The following COL6A1 variants were observed in gnomAD, a reference collection of about 807,000 sequenced individuals.
COL6A1 encodes the protein collagen alpha-1(VI) chain.
In COL6A1, 80 loss-of-function variants were observed where a neutral mutation model predicts 145.6. The ratio of observed to expected loss-of-function variants is 0.55; its 90% CI spans 0.46 to 0.66. COL6A1 has a LOEUF of 0.66. Among genes scored for constraint, COL6A1 ranks in the 30% least tolerant of loss-of-function variants. The pLI is 0.00. For synonymous variants in COL6A1, 638 were observed against 622.8 expected (o/e 1.02, Z -0.36); for missense variants, 1,364 against 1,473.8 (o/e 0.93, Z 1.22).
chr21:45,991,389 G>A (rs1189425517), intron 15 of COL6A1, among the ~76,000 whole-genome samples: 1 of 148,512 alleles, frequency 6.7e-6, no homozygotes, highest in Non-Finnish European at 1.5e-5. Context: ...TCAGAACTGA[G>A]AATGGGCTGG....
At chr21:45,987,779 G>C in intron 8 of COL6A1, 125 bp downstream of exon 8, 1 of 776,832 alleles carries the variant, frequency 1.3e-6, no homozygotes, top group Non-Finnish European at 1.8e-6. Flanking sequence ...GGTCCAGATG[G>C]AGGGGACGGC....
intron 2 of COL6A1, 138 bp downstream of exon 2, chr21:45,982,901 C>T (rs1204312673): frequency 8.0e-6 from 10 of 1,257,308 alleles, no homozygotes; most frequent in East Asian, 4.8e-5. Context: ...GGGCCCCTCC[C>T]GGCGCCCTCC....
chr21:45,987,206 G>A (rs2123467052), intron 6 of COL6A1, 31 bp downstream of exon 6: 1 of 1,589,632 alleles, frequency 6.3e-7, no homozygotes. Flanking sequence ...CCCCAGCCGT[G>A]AGTCTGCACA....
At position 45,989,895 on chromosome 21, in the gene COL6A1, C is replaced by CCCGCTCCA. The variant is rs2077764149; in HGVS notation, c.930+122_930+129dup. On this transcript the variant is annotated intron_variant, in intron 11 of 34. Transcript: ENST00000361866. ...GACAGGAGACCACGTGTCCTGCAGACCCGCTCCACCGCCCCTCGCCGTCCC... is the reference window on the plus strand; with the variant it reads ...GACAGGAGACCACGTGTCCTGCAGACCCGCTCCACCGCTCCACCGCCCCTCGCCGTCCC... The CCCGCTCCA allele has an allele frequency of 2.3e-5, 30 of 1,332,326 alleles. No homozygotes were observed. The South Asian group carries it at 3.6e-4, about 16-fold the overall frequency. The allele number at this position is 1,332,326 out of a possible 1,614,324, so 82.5% of individuals were successfully genotyped here. A position where few individuals can be genotyped will look rare whatever the true frequency, so the allele number is the denominator to read the frequency against.
At chr21:45,992,276 C>G in intron 17 of COL6A1, 59 bp downstream of exon 17, 1 of 1,613,564 alleles carries the variant, frequency 6.2e-7, no homozygotes, top group East Asian at 2.2e-5. Flanking sequence ...TTCTGATCCT[C>G]TTTGCTCGGG....
chr21:45,984,024 G>A (rs1490272235), intron 2 of COL6A1, among the ~76,000 whole-genome samples: 1 of 152,182 alleles, frequency 6.6e-6, no homozygotes, highest in Non-Finnish European at 1.5e-5. Context: ...ACCCCAGCAG[G>A]GCCACACACT....
rs754667407 is a variant in COL6A1, at chr21:45,986,651, A to G, written c.554A>G (p.Lys185Arg). ...AACGAGGCCAAGCACCTGGGCGTCAAAGTCTTCTCGGTGGCCATCACACCC... is the reference window on the plus strand; with the variant it reads ...AACGAGGCCAAGCACCTGGGCGTCAGAGTCTTCTCGGTGGCCATCACACCC... ...AVNEAKHLGV[K>R]VFSVAITPDH... Residue 185 changes from lysine (K) to arginine (R), a missense_variant, in exon 4 of 35, where the codon AAA (lysine) becomes AGA (arginine). Lys to Arg is a conservative substitution (Grantham distance 26, BLOSUM62 2). Transcript: ENST00000361866. The G allele has an allele frequency of 3.2e-6, 5 of 1,550,726 alleles. No individual in the cohort carries two copies. In the African/African-American group the frequency reaches 5.5e-5, roughly 17 times the overall value.
intron 13 of COL6A1, 130 bp from the exon 14 acceptor site, chr21:45,990,642 AG>A (rs2077771397): frequency 8.1e-6 from 7 of 860,430 alleles, no homozygotes; most frequent in Admixed American, 3.8e-5. Flanking sequence ...AGGTGACCCC[AG>A]GGGGGTGTCT....
rs893963068 is a variant in COL6A1, at chr21:46,002,708, T to C, written c.2432T>C (p.Ile811Thr). 6.2e-7 allele frequency: 1 copy of C among 1,611,516 alleles called. No homozygotes were observed. The highest frequency in any genetic ancestry group is 8.5e-7 in the Non-Finnish European group (1 of 1,178,966). Residue 811 changes from isoleucine to threonine, a missense_variant and splice_region_variant, in exon 33 of 35, where the codon ATA (isoleucine) becomes ACA (threonine). Physicochemically the swap from Ile to Thr is moderately conservative, Grantham distance 89. Transcript: ENST00000361866. Reference protein sequence around the residue: ...FLKNVTAQICIDKKCPDYTCP... With the variant: ...FLKNVTAQICTDKKCPDYTCP... The stretch of plus-strand genomic sequence containing the variant: ...AAGAATGTCACCGCCCAGATCTGCA[T>C]AGGTGCGCATGGGGCCACCCGGGCA...
In COL6A1 at chr21:45,992,754, C is replaced by T. The variant is rs1169376204; in HGVS notation, c.1279C>T (p.Pro427Ser). 2 of 1,594,798 alleles carry T rather than the reference C, an allele frequency of 1.3e-6. No homozygotes were observed. The highest frequency in any genetic ancestry group is 1.7e-6 in the Non-Finnish European group (2 of 1,171,254). Residue 427 changes from proline to serine, a missense_variant, in exon 19 of 35, where the codon CCT becomes TCT. Around this residue, in one of 3 missense-constraint regions of COL6A1, gnomAD observed 938 missense variants for 1,003.8 expected, o/e 0.93. Transcript: ENST00000361866. ...TCCATGTCTCTCCACTCAGGGTGGC[C>T]CTGGAGAGAGAGGACCACGGGGGAC... The part of the protein sequence containing the change: ...PDGAPGERGG[P>S]GERGPRGTPG...
intron 8 of COL6A1, among the ~76,000 whole-genome samples, chr21:45,988,494 T>C: frequency 6.7e-6 from 1 of 149,328 alleles, no homozygotes; most frequent in East Asian, 2.0e-4. Context: ...GACGGCGGGG[T>C]CCAGCAGGCA....
Position 45,998,095 on chromosome 21 carries a change from C to T in COL6A1, c.1525-26C>T, listed in dbSNP as rs746680054. 98 of 1,611,048 alleles carry T rather than the reference C, an allele frequency of 6.1e-5. No individual in the cohort carries two copies. In the Middle Eastern group the frequency reaches 6.6e-4, roughly 11 times the overall value. Reference sequence around the variant, plus strand: ...GTATCCCAGGCCAGGCCGATTCGCACGGTGACGGCTACTCTGCTCCCCCAG... The same window carrying T: ...GTATCCCAGGCCAGGCCGATTCGCATGGTGACGGCTACTCTGCTCCCCCAG... On this transcript the variant is annotated intron_variant, in intron 22 of 34. Coordinates refer to ENST00000361866, the MANE Select transcript of COL6A1 (RefSeq NM_001848.3).
At chr21:45,990,714 G>A in intron 13 of COL6A1, 59 bp from the exon 14 acceptor site, 1 of 1,488,518 alleles carries the variant, frequency 6.7e-7, no homozygotes, top group Non-Finnish European at 9.4e-7. Context: ...TCTGACAGTT[G>A]ATTGGCCTCA....
At chr21:45,986,271 C>T (rs1223003717) in intron 3 of COL6A1, among the ~76,000 whole-genome samples, 1 of 152,178 alleles carries the variant, frequency 6.6e-6, no homozygotes, top group African/African-American at 2.4e-5. Context: ...CCCCAGGAAC[C>T]GAGCCTCCTT....
chr21:45,998,569 C>T (rs907759034), intron 24 of COL6A1, 136 bp downstream of exon 24: 20 of 1,228,060 alleles, frequency 1.6e-5, no homozygotes, highest in Non-Finnish European at 2.1e-5. Context: ...ACGGCTGCCC[C>T]ACTGTCTGTG....
Position 46,003,139 on chromosome 21 carries a change from C to T in COL6A1, c.2454C>T (p.Tyr818=). 2 of 1,614,102 alleles carry T rather than the reference C, an allele frequency of 1.2e-6. No individual in the cohort carries two copies. The highest frequency in any genetic ancestry group is 1.7e-6 in the Non-Finnish European group (2 of 1,179,988). ...QICIDKKCPD[Y]TCPITFSSPA... Reference sequence around the variant, plus strand: ...TTACAGACAAGAAGTGTCCAGATTACACCTGCCCCAGTGAGTACCTCGGCG... The same window carrying T: ...TTACAGACAAGAAGTGTCCAGATTATACCTGCCCCAGTGAGTACCTCGGCG... The change falls in exon 34 of 35, where the codon TAC becomes TAT. Residue 818 remains tyrosine, a synonymous_variant. Transcript: ENST00000361866.
In COL6A1 at chr21:45,990,340, C is replaced by T. The variant is rs114745673; in HGVS notation, c.958-38C>T. ...CTGCCCCCACGGCAGCATGTCTGAC[C>T]TGCATCTGACTCCTGCCTTCGTTTT... On this transcript the variant is annotated intron_variant, in intron 12 of 34. Coordinates refer to ENST00000361866, the MANE Select transcript of COL6A1 (RefSeq NM_001848.3). 2,064 of 1,612,286 alleles carry T rather than the reference C, an allele frequency of 1.3e-3. 19 individuals are homozygous for T. The African/African-American group carries it at 0.022, about 17-fold the overall frequency.
In COL6A1 at chr21:45,990,889, C is replaced by A. The variant is rs914873681; in HGVS notation, c.1056+63C>A. ...GCTGTCAGCAGCACCTCGTGTGGAC[C>A]GTTTTGACTTCTGTCTGGGCGGTCT... On this transcript the variant is annotated intron_variant, in intron 14 of 34. Coordinates refer to ENST00000361866, the MANE Select transcript of COL6A1 (RefSeq NM_001848.3). 7 of 1,608,182 alleles carry A rather than the reference C, an allele frequency of 4.4e-6. No homozygotes were observed. The Admixed American group carries it at 1.2e-4, about 27-fold the overall frequency.
Position 45,997,426 on chromosome 21 carries a change from G to C in COL6A1, c.1404G>C (p.Glu468Asp). 1 of 1,613,038 alleles carries C rather than the reference G, an allele frequency of 6.2e-7. No individual in the cohort carries two copies. Among genetic ancestry groups the C allele is most frequent in the Non-Finnish European group, 8.5e-7 (1 of 1,179,902 alleles). ...CCATATCCATCTCTCTACAGGGCGA[G>C]GCTGGCCCTATCGGACCTAAAGGCT... The part of the protein sequence containing the change: ...GPVGVPGDPG[E>D]AGPIGPKGYR... Residue 468 changes from glutamate (E) to aspartate (D), a missense_variant, in exon 21 of 35, where the codon GAG becomes GAC. Transcript: ENST00000361866.
Sources: gnomAD v4.1 joint callset for allele counts (sites outside exome capture counted in the v4.1 genomes callset) on GRCh38, gnomAD v4.1.1 for gene constraint, gnomAD v4.1.1 regional missense constraint, MANE v1.5 for transcripts, NCBI Gene and HGNC (gene_info 2026-07-23, HGNC 2026-07-21) for gene names.